ZNF354A: variants seen among roughly 807,000 people sequenced by gnomAD.
ZNF354A encodes zinc finger protein 354A, also known as epididymis luminal protein 104.
A neutral mutation model predicts 53.3 loss-of-function variants in ZNF354A; 25 were observed. That is an observed-to-expected ratio of 0.47 (90% confidence interval 0.34 to 0.66). The LOEUF is 0.66. Ranked by LOEUF, ZNF354A falls within the 30% of genes least tolerant of loss-of-function variation. The probability of loss-of-function intolerance (pLI) is 0.01; values close to 1 mark genes in which losing one functional copy is unlikely to be tolerated. For missense variants in ZNF354A, 586 were observed against 716.8 expected (o/e 0.82, Z 2.08); for synonymous variants, 228 against 249.0 (o/e 0.92, Z 0.79).
intron 4 of ZNF354A, among the ~76,000 whole-genome samples, chr5:178,714,762 TCATA>T (rs1240249137): frequency 2.6e-5 from 4 of 152,246 alleles, no homozygotes; most frequent in African/African-American, 9.6e-5. Flanking sequence ...CATACATACT[TCATA>T]TATATACAAA....
At position 178,712,319 on chromosome 5, in the gene ZNF354A, T is replaced by G. The variant is rs1223976262; in HGVS notation, c.1559A>C (p.Lys520Thr). 3 of 1,614,188 alleles carry G rather than the reference T, an allele frequency of 1.9e-6. No homozygotes were observed. Among genetic ancestry groups the G allele is most frequent in the Non-Finnish European group, 2.5e-6 (3 of 1,180,014 alleles). The change falls in exon 5 of 5, where the codon AAA (lysine) becomes ACA (threonine). Residue 520 changes from lysine (K) to threonine (T), a missense_variant. By Grantham distance (78) the Lys-to-Thr change is moderately conservative (BLOSUM62 -1). Coordinates refer to ENST00000335815, the MANE Select transcript of ZNF354A (RefSeq NM_005649.3). ...CCCACATTCCTCACATCGATATGGTTTCTCTCCAGTATGAATTCTCTGGTG... is the reference window on the plus strand; with the variant it reads ...CCCACATTCCTCACATCGATATGGTGTCTCTCCAGTATGAATTCTCTGGTG... ...SNHQRIHTGE[K>T]PYRCEECGIS...
chr5:178,730,067 G>A (rs1159104604), intron 1 of ZNF354A, among the ~76,000 whole-genome samples: 1 of 151,898 alleles, frequency 6.6e-6, no homozygotes, highest in African/African-American at 2.4e-5. Flanking sequence ...GGGTTTCACC[G>A]TGTTAGTCAG....
At chr5:178,728,799 A>AG (rs1452351578) in intron 2 of ZNF354A, among the ~76,000 whole-genome samples, 191 bp downstream of exon 2, 19 of 145,974 alleles carry the variant, frequency 1.3e-4, no homozygotes, top group African/African-American at 4.5e-4. Context: ...AAAAAAAAAA[A>AG]AGAGAACCAC....
At chr5:178,722,046 A>G (rs148463928) in intron 4 of ZNF354A, among the ~76,000 whole-genome samples, 5 of 152,204 alleles carry the variant, frequency 3.3e-5, no homozygotes, top group Non-Finnish European at 7.4e-5. Context: ...TTCCATCATG[A>G]GCCTTGCCTC....
intron 4 of ZNF354A, among the ~76,000 whole-genome samples, chr5:178,720,270 C>G (rs1394753622): frequency 1.3e-5 from 2 of 152,202 alleles, no homozygotes; most frequent in Non-Finnish European, 2.9e-5. Flanking sequence ...ATGGGCTGAA[C>G]CGCATCATTC....
intron 4 of ZNF354A, among the ~76,000 whole-genome samples, chr5:178,719,815 C>T (rs956840251): frequency 2.6e-5 from 4 of 151,532 alleles, no homozygotes; most frequent in South Asian, 2.1e-4. Context: ...GGCGTAGTGG[C>T]GGGCGCCTGT....
intron 4 of ZNF354A, among the ~76,000 whole-genome samples, chr5:178,722,007 C>T (rs755350364): frequency 2.6e-4 from 40 of 152,174 alleles, no homozygotes; most frequent in Non-Finnish European, 4.4e-4. Flanking sequence ...GCCTCACATT[C>T]GTCTACTTTT....
At chr5:178,721,464 T>C (rs759138101) in intron 4 of ZNF354A, among the ~76,000 whole-genome samples, 1 of 152,194 alleles carries the variant, frequency 6.6e-6, no homozygotes, top group Non-Finnish European at 1.5e-5. Context: ...ACTGAAACAT[T>C]ATGTGCTCCA....
chr5:178,727,872 C>A (rs1490041913), intron 2 of ZNF354A, among the ~76,000 whole-genome samples: 2 of 151,660 alleles, frequency 1.3e-5, no homozygotes, highest in Admixed American at 1.3e-4. Flanking sequence ...TTCTTTGAGA[C>A]AGAGTTTGGC....
chr5:178,726,170 G>C (rs967715590), intron 3 of ZNF354A: 1 of 455,160 alleles, frequency 2.2e-6, no homozygotes, highest in Non-Finnish European at 4.4e-6. Flanking sequence ...GGATGGCAGT[G>C]ATCAGCAAAC....
chr5:178,712,367 C>G lies in ZNF354A; in HGVS notation c.1511G>C (p.Arg504Thr). 1 of 1,613,704 alleles carries G rather than the reference C, an allele frequency of 6.2e-7. No individual in the cohort carries two copies. Among genetic ancestry groups the G allele is most frequent in the Non-Finnish European group, 8.5e-7 (1 of 1,179,684 alleles). ...GTGATTACTAAGTGATGAGTTACAC[C>G]TGAATGTTTTCCCACACTCGTTACA... ...YKCNECGKTF[R>T]CNSSLSNHQR... The change falls in exon 5 of 5, where the codon AGG (arginine) becomes ACG (threonine). Residue 504 changes from arginine to threonine, a missense_variant. Physicochemically the swap from Arg to Thr is moderately conservative, Grantham distance 71. Around this residue, in one of 2 missense-constraint regions of ZNF354A, gnomAD observed 573 missense variants for 680.1 expected, o/e 0.84. Transcript: ENST00000335815.
intron 4 of ZNF354A, 106 bp from the exon 5 acceptor site, chr5:178,713,727 C>A (rs906357686): frequency 1.9e-5 from 25 of 1,341,224 alleles, no homozygotes; most frequent in Non-Finnish European, 2.5e-5. Context: ...TTAAATAAGA[C>A]CCTGATATCT....
chr5:178,726,678 G>T (rs1416327387), intron 3 of ZNF354A, among the ~76,000 whole-genome samples: 1 of 151,880 alleles, frequency 6.6e-6, no homozygotes, highest in Non-Finnish European at 1.5e-5. Context: ...CCTAGAGGCT[G>T]AATGAAGCTC....
chr5:178,711,933 T>G lies in ZNF354A; in HGVS notation c.*127A>C. ...ATATAGCTGAGGTTTATCCATGGAATTAAATACCTAATGAGGGCTAAATTA... is the reference window on the plus strand; with the variant it reads ...ATATAGCTGAGGTTTATCCATGGAAGTAAATACCTAATGAGGGCTAAATTA... On this transcript the variant is annotated 3_prime_UTR_variant, in exon 5 of 5. Transcript: ENST00000335815. 1 of 1,189,534 alleles carries G rather than the reference T, an allele frequency of 8.4e-7. No homozygotes were observed. Among genetic ancestry groups the G allele is most frequent in the Non-Finnish European group, 1.2e-6 (1 of 869,566 alleles). 73.7% of individuals were successfully genotyped at this position (1,189,534 alleles called of 1,614,324 possible). A position where few individuals can be genotyped will look rare whatever the true frequency, so the allele number is the denominator to read the frequency against.
chr5:178,714,757 A>G (rs1021699379), intron 4 of ZNF354A, among the ~76,000 whole-genome samples: 2 of 152,034 alleles, frequency 1.3e-5, no homozygotes, highest in Non-Finnish European at 2.9e-5. Flanking sequence ...ATACACATAC[A>G]TACTTCATAT....
chr5:178,714,901 T>C (rs909225422), intron 4 of ZNF354A, among the ~76,000 whole-genome samples: 2 of 152,210 alleles, frequency 1.3e-5, no homozygotes, highest in Admixed American at 6.5e-5. Flanking sequence ...GGCCCTGTTA[T>C]TGAATTAATC....
intron 4 of ZNF354A, among the ~76,000 whole-genome samples, chr5:178,721,141 C>CA (rs1554094214): frequency 6.6e-6 from 1 of 151,830 alleles, no homozygotes; most frequent in Non-Finnish European, 1.5e-5. Context: ...TATTGATCTC[C>CA]TTTTTTTTCT....
Position 178,711,982 on chromosome 5 carries a change from ACATTT to A in ZNF354A, c.*73_*77del. On this transcript the variant is annotated 3_prime_UTR_variant, in exon 5 of 5. Transcript: ENST00000335815. The stretch of plus-strand genomic sequence containing the variant: ...TATTACAGTTTTTTTCACATCCATT[ACATTT>A]ATTACATCTCTCTCAAGGATGTATT... The A allele has an allele frequency of 1.3e-6, 2 of 1,485,486 alleles. No homozygotes were observed. Among genetic ancestry groups the A allele is most frequent in the Admixed American group, 2.3e-5 (1 of 43,202 alleles). The allele number at this position is 1,485,486 out of a possible 1,614,324, so 92.0% of individuals were successfully genotyped here. A position where few individuals can be genotyped will look rare whatever the true frequency, so the allele number is the denominator to read the frequency against.
intron 4 of ZNF354A, among the ~76,000 whole-genome samples, chr5:178,714,319 C>T (rs1362672307): frequency 6.6e-6 from 1 of 151,898 alleles, no homozygotes; most frequent in Non-Finnish European, 1.5e-5. Context: ...TATAATTATT[C>T]TTAATCTGGA....
Sources: gnomAD v4.1 joint callset for allele counts (sites outside exome capture counted in the v4.1 genomes callset) on GRCh38, gnomAD v4.1.1 for gene constraint, gnomAD v4.1.1 regional missense constraint, MANE v1.5 for transcripts, NCBI Gene and HGNC (gene_info 2026-07-23, HGNC 2026-07-21) for gene names.